The following LPP variants were observed in gnomAD, a reference collection of about 807,000 sequenced individuals.
LPP encodes the protein LIM domain containing preferred translocation partner in lipoma.
LPP carries 38 observed loss-of-function variants against 60.4 expected under a neutral mutation model. The ratio of observed to expected loss-of-function variants is 0.63; its 90% CI spans 0.49 to 0.83. LPP has a LOEUF of 0.83. Among genes scored for constraint, LPP ranks in the 40% least tolerant of loss-of-function variants. The pLI is 0.00. For missense variants in LPP, 902 were observed against 783.6 expected (o/e 1.15, Z -1.80); for synonymous variants, 328 against 290.8 (o/e 1.13, Z -1.30).
chr3:188,746,213 G>A (rs1403964532), intron 8 of LPP, among the ~76,000 whole-genome samples: 2 of 152,014 alleles, frequency 1.3e-5, no homozygotes, highest in African/African-American at 2.4e-5. Context: ...GTACATATAT[G>A]GTTTCTTTAA....
At chr3:188,197,956 G>A (rs879517029) in intron 1 of LPP, among the ~76,000 whole-genome samples, 1 of 152,170 alleles carries the variant, frequency 6.6e-6, no homozygotes, top group Non-Finnish European at 1.5e-5. Flanking sequence ...TTTGGATCTC[G>A]CCCCTACCTT....
intron 3 of LPP, among the ~76,000 whole-genome samples, chr3:188,346,787 A>G (rs1468871549): frequency 6.6e-6 from 1 of 152,138 alleles, no homozygotes; most frequent in Non-Finnish European, 1.5e-5. Flanking sequence ...TTTTCATTCT[A>G]TGTGGGAAGT....
At chr3:188,682,460 G>A (rs977846272) in intron 7 of LPP, among the ~76,000 whole-genome samples, 3 of 152,178 alleles carry the variant, frequency 2.0e-5, no homozygotes, top group African/African-American at 4.8e-5. Flanking sequence ...CGTTTTGTAG[G>A]CTGTCCCTGC....
At position 188,881,850 on chromosome 3, in the gene LPP, G is replaced by C. The variant is rs1264335091; in HGVS notation, c.*7371G>C. The stretch of plus-strand genomic sequence containing the variant: ...TACTTTAATATATGGACACTTTACA[G>C]GTTATACATAAATATTTGCTGGTTG... On this transcript the variant is annotated 3_prime_UTR_variant, in exon 12 of 12. Transcript: ENST00000617246. The C allele has an allele frequency of 4.7e-6, 1 of 214,666 alleles. No individual in the cohort carries two copies. Among genetic ancestry groups the C allele is most frequent in the East Asian group, 7.0e-5 (1 of 14,300 alleles). 13.3% of individuals were successfully genotyped at this position (214,666 alleles called of 1,614,324 possible). A position where few individuals can be genotyped will look rare whatever the true frequency, so the allele number is the denominator to read the frequency against.
chr3:188,870,412 T>C (rs1767804665), intron 10 of LPP, among the ~76,000 whole-genome samples: 1 of 152,188 alleles, frequency 6.6e-6, no homozygotes, highest in African/African-American at 2.4e-5. Context: ...TCAGGAATAT[T>C]ACCCTCATTC....
chr3:188,527,629 A>G (rs948829355), intron 6 of LPP, among the ~76,000 whole-genome samples: 1 of 151,846 alleles, frequency 6.6e-6, no homozygotes, highest in African/African-American at 2.4e-5. Context: ...ATGTTCAGCA[A>G]TTTTTTTTGA....
intron 6 of LPP, among the ~76,000 whole-genome samples, chr3:188,559,426 T>C (rs1039502346): frequency 2.0e-5 from 3 of 152,050 alleles, no homozygotes; most frequent in African/African-American, 7.2e-5. Context: ...AAGAAACACT[T>C]TGCACATTAT....
intron 5 of LPP, among the ~76,000 whole-genome samples, chr3:188,485,772 G>T (rs1279785690): frequency 2.8e-5 from 3 of 107,736 alleles, no homozygotes; most frequent in Non-Finnish European, 5.3e-5. Context: ...ACTCCAGCCT[G>T]GGCGACAGAG....
intron 6 of LPP, among the ~76,000 whole-genome samples, chr3:188,561,331 T>C (rs868170316): frequency 5.3e-5 from 8 of 152,090 alleles, no homozygotes; most frequent in South Asian, 2.1e-4. Flanking sequence ...CTTGAGTGTG[T>C]ATTGTCCCAA....
chr3:188,180,757 C>T (rs971847305), intron 1 of LPP: 16 of 150,468 alleles, frequency 1.1e-4, no homozygotes, highest in African/African-American at 3.6e-4. Flanking sequence ...TATCTTGCCA[C>T]TTCACCTAAC....
At chr3:188,833,724 C>G (rs1757652907) in intron 9 of LPP, among the ~76,000 whole-genome samples, 2 of 152,000 alleles carry the variant, frequency 1.3e-5, no homozygotes, top group Non-Finnish European at 2.9e-5. Context: ...TAGAGTTTCC[C>G]TACAACCACG....
intron 8 of LPP, chr3:188,710,230 A>G (rs1866353916): frequency 6.6e-6 from 1 of 152,238 alleles, no homozygotes; most frequent in African/African-American, 2.4e-5. Context: ...GTATTAGGAT[A>G]TGAAAACCCT....
chr3:188,306,487 A>T (rs1270113352), intron 2 of LPP, among the ~76,000 whole-genome samples: 1 of 152,210 alleles, frequency 6.6e-6, no homozygotes, highest in African/African-American at 2.4e-5. Flanking sequence ...ATGTTAGGCC[A>T]TATGCCTACA....
chr3:188,649,537 A>G (rs1333132044), intron 7 of LPP, among the ~76,000 whole-genome samples: 1 of 152,216 alleles, frequency 6.6e-6, no homozygotes, highest in African/African-American at 2.4e-5. Flanking sequence ...GCGGGAAGTG[A>G]TAACCGCAGG....
intron 4 of LPP, among the ~76,000 whole-genome samples, chr3:188,434,260 A>G (rs1382485889): frequency 6.6e-6 from 1 of 152,184 alleles, no homozygotes; most frequent in Non-Finnish European, 1.5e-5. Context: ...TGTCAATGTA[A>G]TATATATTGT....
intron 2 of LPP, among the ~76,000 whole-genome samples, chr3:188,303,675 G>A (rs1750642536): frequency 6.6e-6 from 1 of 152,114 alleles, no homozygotes; most frequent in African/African-American, 2.4e-5. Flanking sequence ...AAGAAGCAGG[G>A]CACTTGTGGT....
intron 7 of LPP, among the ~76,000 whole-genome samples, chr3:188,694,785 G>A (rs770117706): frequency 6.6e-6 from 1 of 152,128 alleles, no homozygotes; most frequent in Non-Finnish European, 1.5e-5. Context: ...TTAGTTGGGG[G>A]TACTTGTAAT....
intron 6 of LPP, among the ~76,000 whole-genome samples, chr3:188,538,907 C>T (rs910756089): frequency 6.6e-5 from 10 of 152,072 alleles, no homozygotes; most frequent in Non-Finnish European, 1.5e-4. Context: ...AAACATTATG[C>T]TATACGAAAG....
At chr3:188,755,239 C>T (rs1269378980) in intron 8 of LPP, among the ~76,000 whole-genome samples, 3 of 152,042 alleles carry the variant, frequency 2.0e-5, no homozygotes, top group Non-Finnish European at 4.4e-5. Flanking sequence ...AAAATGTGAC[C>T]TGGCTTTACA....
Sources: allele counts gnomAD v4.1 joint callset (sites outside exome capture counted in the v4.1 genomes callset), GRCh38; gene constraint gnomAD v4.1.1; transcripts MANE v1.5; gene names NCBI Gene and HGNC (gene_info 2026-07-23, HGNC 2026-07-21).